The following SLC47A1 variants were observed in gnomAD, a reference collection of about 807,000 sequenced individuals.
SLC47A1 encodes multidrug and toxin extrusion protein 1.
Under a neutral mutation model 65.8 loss-of-function variants are expected in SLC47A1, and 58 were observed. The ratio of observed to expected loss-of-function variants is 0.88; its 90% CI spans 0.71 to 1.10. The LOEUF (loss-of-function observed/expected upper bound fraction) is 1.10. Among genes scored for constraint, SLC47A1 ranks in the 50% least tolerant of loss-of-function variants. The pLI is 0.00. For missense variants in SLC47A1, 706 were observed against 719.2 expected (o/e 0.98, Z 0.21); for synonymous variants, 285 against 295.0 (o/e 0.97, Z 0.35).
intron 1 of SLC47A1, among the ~76,000 whole-genome samples, chr17:19,536,772 C>A (rs368659980): frequency 1.3e-5 from 2 of 152,222 alleles, no homozygotes; most frequent in African/African-American, 2.4e-5. Flanking sequence ...AAGTGTCCAA[C>A]ATAACATGAG....
At chr17:19,546,077 G>C (rs1052652780) in intron 2 of SLC47A1, among the ~76,000 whole-genome samples, 5 of 152,020 alleles carry the variant, frequency 3.3e-5, no homozygotes, top group Non-Finnish European at 7.4e-5. Context: ...AAAATTAGCC[G>C]GTCATGGTAG....
intron 1 of SLC47A1, among the ~76,000 whole-genome samples, chr17:19,539,557 T>A (rs1364097714): frequency 7.9e-5 from 12 of 151,880 alleles, no homozygotes; most frequent in African/African-American, 1.9e-4. Flanking sequence ...TGATCTCCGC[T>A]CACTGCAACC....
chr17:19,534,022 TG>T lies in SLC47A1; in HGVS notation c.84del (p.Ser29ProfsTer22). On this transcript the variant is annotated frameshift_variant, in exon 1 of 17. Coordinates refer to ENST00000270570, the MANE Select transcript of SLC47A1 (RefSeq NM_018242.3). LOFTEE classifies it high-confidence loss of function. ...GTCCGTGGGTCGCGCTGCTTGCGGC[TG>T]TCCGCCTTCCGAGAAGAGCTGCGGG... ...LEVRGSRCLR[L>X]SAFREELRAL... 1 of 1,547,154 alleles carries T rather than the reference TG, an allele frequency of 6.5e-7. No individual in the cohort carries two copies. Among genetic ancestry groups the T allele is most frequent in the South Asian group, 1.2e-5 (1 of 82,840 alleles).
At position 19,540,849 on chromosome 17, in the gene SLC47A1, G is replaced by GACACACACACACACACACACAC. The variant is rs144308134; in HGVS notation, c.136-1537_136-1516dup. ...CAAGAAAGATACTTCTCCTACAACA[G>GACACACACACACACACACACAC]ACACACACACACACACACACACACA... On this transcript the variant is annotated intron_variant, in intron 1 of 16. Transcript: ENST00000270570. 1.1e-3 allele frequency among the ~76,000 whole-genome samples: 152 copies of GACACACACACACACACACACAC among 143,004 alleles called. 2 individuals carry two copies. The East Asian group carries it at 0.014, about 13-fold the overall frequency. The allele number at this position is 143,004 out of a possible 152,430, so 93.8% of individuals were successfully genotyped here.
At chr17:19,572,752 G>T (rs755158470) in intron 15 of SLC47A1, 28 bp from the exon 16 acceptor site, 1 of 1,607,692 alleles carries the variant, frequency 6.2e-7, no homozygotes, top group East Asian at 2.2e-5. Context: ...CTATTGTGAA[G>T]CCTGATGGAC....
In SLC47A1 at chr17:19,533,886, TC is replaced by T. The variant is rs1915914270; in HGVS notation, c.-52del. On this transcript the variant is annotated 5_prime_UTR_variant, in exon 1 of 17. Transcript: ENST00000270570. ...GCCTGCGCGGTACTCACTGCCGGCC[TC>T]CGCGGTACCCACTGCCGGCCTCCGC... is the stretch of plus-strand genomic sequence containing the variant. 1 of 1,392,298 alleles carries T rather than the reference TC, an allele frequency of 7.2e-7. No homozygotes were observed. Among genetic ancestry groups the T allele is most frequent in the Non-Finnish European group, 9.3e-7 (1 of 1,069,914 alleles). 86.2% of individuals were successfully genotyped at this position (1,392,298 alleles called of 1,614,324 possible).
chr17:19,566,892 T>A, intron 13 of SLC47A1, 33 bp downstream of exon 13: 1 of 1,609,662 alleles, frequency 6.2e-7, no homozygotes, highest in Non-Finnish European at 8.5e-7. Flanking sequence ...CTAAGCACTG[T>A]TATGATCTTC....
At chr17:19,556,672 C>T (rs1274331083) in intron 10 of SLC47A1, among the ~76,000 whole-genome samples, 1 of 151,188 alleles carries the variant, frequency 6.6e-6, no homozygotes, top group African/African-American at 2.4e-5. Context: ...ATTTCTTCTG[C>T]CTCAGCCTCC....
chr17:19,558,141 G>T (rs961933583), intron 10 of SLC47A1, among the ~76,000 whole-genome samples: 17 of 152,140 alleles, frequency 1.1e-4, no homozygotes, highest in African/African-American at 3.9e-4. Flanking sequence ...AATACCAATT[G>T]TTCTGGTAAT....
At position 19,555,146 on chromosome 17, in the gene SLC47A1, T is replaced by C; in HGVS notation, c.544-66T>C. ...CAGGCCAGCTGGAGCCTGTGTGTGC[T>C]TGGGTAGCAGAAAGGCAGTCCTATT... is the stretch of plus-strand genomic sequence containing the variant. On this transcript the variant is annotated intron_variant, in intron 6 of 16. Coordinates refer to ENST00000270570, the MANE Select transcript of SLC47A1 (RefSeq NM_018242.3). 2.1e-6 allele frequency: 3 copies of C among 1,453,094 alleles called. 1 individual carries two copies. Among genetic ancestry groups the C allele is most frequent in the Admixed American group, 1.7e-5 (1 of 59,814 alleles). 90.0% of individuals were successfully genotyped at this position (1,453,094 alleles called of 1,614,324 possible). A position where few individuals can be genotyped will look rare whatever the true frequency, so the allele number is the denominator to read the frequency against.
rs1915914586 is a variant in SLC47A1, at chr17:19,533,890, CG to C, written c.-48del. On this transcript the variant is annotated 5_prime_UTR_variant, in exon 1 of 17. Coordinates refer to ENST00000270570, the MANE Select transcript of SLC47A1 (RefSeq NM_018242.3). ...GCGCGGTACTCACTGCCGGCCTCCGCGGTACCCACTGCCGGCCTCCGCGCTA... is the reference window on the plus strand; with the variant it reads ...GCGCGGTACTCACTGCCGGCCTCCGCGTACCCACTGCCGGCCTCCGCGCTA... The C allele has an allele frequency of 6.9e-7, 1 of 1,438,940 alleles. No individual in the cohort carries two copies. The highest frequency in any genetic ancestry group is 2.6e-5 in the Admixed American group (1 of 38,148). 89.1% of individuals were successfully genotyped at this position (1,438,940 alleles called of 1,614,324 possible).
rs773437291 is a variant in SLC47A1, at chr17:19,555,660, G to A, written c.709G>A (p.Gly237Arg). ...TCTACTCCTCTTTCTCTACATCCTC[G>A]GGAAAAAACTGCATCAAGCTACATG... is the stretch of plus-strand genomic sequence containing the variant. ...LALLLFLYIL[G>R]KKLHQATWGG... Residue 237 changes from glycine (G) to arginine (R), a missense_variant, in exon 8 of 17, where the codon GGG (glycine) becomes AGG (arginine). By Grantham distance (125) the Gly-to-Arg change is moderately radical. Transcript: ENST00000270570. The A allele has an allele frequency of 5.6e-6, 9 of 1,614,122 alleles. No homozygotes were observed. The highest frequency in any genetic ancestry group is 1.1e-5 in the South Asian group (1 of 91,072).
At chr17:19,546,538 C>G (rs377245311) in intron 3 of SLC47A1, 35 bp downstream of exon 3, 1 of 1,600,798 alleles carries the variant, frequency 6.2e-7, no homozygotes, top group Non-Finnish European at 8.5e-7. Context: ...ACAGTGACCT[C>G]AAACATCTTT....
chr17:19,542,436 C>A lies in SLC47A1; in HGVS notation c.179C>A (p.Ser60Tyr). Residue 60 changes from serine (S) to tyrosine (Y), a missense_variant, in exon 2 of 17, where the codon TCC becomes TAC. Transcript: ENST00000270570. ...LMVFLISFIS[S>Y]VFCGHLGKLE... ...GTGTTCCTGATCAGCTTCATAAGCT[C>A]CGTGTTCTGTGGCCACCTGGGCAAG... is the stretch of plus-strand genomic sequence containing the variant. 6.2e-7 allele frequency: 1 copy of A among 1,612,352 alleles called. No individual in the cohort carries two copies. Among genetic ancestry groups the A allele is most frequent in the Non-Finnish European group, 8.5e-7 (1 of 1,179,384 alleles).
In SLC47A1 at chr17:19,555,918, G is replaced by A; in HGVS notation, c.853+9G>A. The A allele has an allele frequency of 1.9e-6, 3 of 1,614,100 alleles. No individual in the cohort carries two copies. The highest frequency in any genetic ancestry group is 2.5e-6 in the Non-Finnish European group (3 of 1,180,006). ...CGGGAGCTTCCTCAGTGGTCTGTAT[G>A]AGGATGGATGACGGGGACTGGTGGG... On this transcript the variant is annotated intron_variant, in intron 9 of 16. Transcript: ENST00000270570.
At chr17:19,551,739 G>A (rs142479391) in intron 6 of SLC47A1, among the ~76,000 whole-genome samples, 1 of 152,332 alleles carries the variant, frequency 6.6e-6, no homozygotes, top group Non-Finnish European at 1.5e-5. Flanking sequence ...TGGCAGGGTG[G>A]GCTCAGAGCC....
chr17:19,537,068 T>A (rs1188134709), intron 1 of SLC47A1, among the ~76,000 whole-genome samples: 1 of 152,230 alleles, frequency 6.6e-6, no homozygotes, highest in Non-Finnish European at 1.5e-5. Flanking sequence ...CTCTTCTTGG[T>A]CATCAGCCTC....
chr17:19,562,793 T>C (rs187903899), intron 12 of SLC47A1, among the ~76,000 whole-genome samples: 6 of 152,110 alleles, frequency 3.9e-5, no homozygotes, highest in Admixed American at 2.6e-4. Flanking sequence ...ACTATAGAAC[T>C]GACGAGATGA....
At position 19,577,379 on chromosome 17, in the gene SLC47A1, C is replaced by G. The variant is rs749378149; in HGVS notation, c.1539C>G (p.Gly513=). 1.7e-5 allele frequency: 28 copies of G among 1,614,022 alleles called. No homozygotes were observed. Among genetic ancestry groups the G allele is most frequent in the Non-Finnish European group, 1.9e-5 (23 of 1,180,030 alleles). Residue 513 remains glycine, a synonymous_variant, in exon 17 of 17, where the codon GGC becomes GGG. Coordinates refer to ENST00000270570, the MANE Select transcript of SLC47A1 (RefSeq NM_018242.3). ...TAACGAACGATGTTGGAAAGACAGG[C>G]GAGCCTCAGTCAGATCAGCAGATGC... The part of the protein sequence containing the change: ...GILTNDVGKT[G]EPQSDQQMRQ...
Sources: allele counts gnomAD v4.1 joint callset (sites outside exome capture counted in the v4.1 genomes callset), GRCh38; gene constraint gnomAD v4.1.1; transcripts MANE v1.5; gene names NCBI Gene and HGNC (gene_info 2026-07-23, HGNC 2026-07-21).